Variants in ADAMTS2 observed in about 807,000 individuals in gnomAD.
ADAMTS2 encodes A disintegrin and metalloproteinase with thrombospondin motifs 2.
A neutral mutation model predicts 123.0 loss-of-function variants in ADAMTS2; 50 were observed. The observed-to-expected ratio is 0.41, with a 90% confidence interval of 0.32 to 0.51. The LOEUF (loss-of-function observed/expected upper bound fraction) is 0.51, where lower values mean the gene tolerates loss of function less well. ADAMTS2 is among the 20% of genes least tolerant of loss of function. The pLI, the probability that ADAMTS2 is intolerant of heterozygous loss-of-function variation, is 0.35. For missense variants in ADAMTS2, 1,494 were observed against 1,705.2 expected (o/e 0.88, Z 2.18); for synonymous variants, 678 against 695.4 (o/e 0.98, Z 0.39).
rs904020842 is a variant in ADAMTS2 at position 179,285,421 on chromosome 5, G to A, written c.535-12357C>T. 3.9e-5 allele frequency among the ~76,000 whole-genome samples: 6 copies of A among 152,226 alleles called. No homozygotes were observed. The highest frequency in any genetic ancestry group is 7.3e-5 in the Non-Finnish European group (5 of 68,040). On this transcript the variant is annotated intron_variant, in intron 2 of 21. Coordinates refer to ENST00000251582, the MANE Select transcript of ADAMTS2 (RefSeq NM_014244.5). The surrounding 1 kb of genome is among the most constrained non-coding windows in gnomAD (Gnocchi z 4.9). ...TGCTAAATCAAGCAACGCTTGAGTGGCTCCCTCGGGACCTGGCCTGTCCAG... is the reference window on the plus strand; with the variant it reads ...TGCTAAATCAAGCAACGCTTGAGTGACTCCCTCGGGACCTGGCCTGTCCAG...
rs1764033758 is a variant in ADAMTS2 at position 179,180,972 on chromosome 5, C to G, written c.975+100G>C. On this transcript the variant is annotated intron_variant, in intron 5 of 21. Coordinates refer to ENST00000251582, the MANE Select transcript of ADAMTS2 (RefSeq NM_014244.5). This position sits in a 1 kb window ranked among gnomAD's most constrained non-coding sequence, Gnocchi z 4.6. ...GGAGCCAGGGAGAGGCAGGGTGGTT[C>G]TGGCAAACGCACACACTCTCCAAGG... 2 of 905,084 alleles carry G rather than the reference C, an allele frequency of 2.2e-6. No individual in the cohort carries two copies. Among genetic ancestry groups the G allele is most frequent in the East Asian group, 5.0e-5 (2 of 39,750 alleles). 56.1% of individuals were successfully genotyped at this position (905,084 alleles called of 1,614,324 possible).
chr5:179,137,864 A>G lies in ADAMTS2; in HGVS notation c.1856T>C (p.Leu619Pro). The change falls in exon 12 of 22, where the codon CTG becomes CCG. Residue 619 changes from leucine to proline, a missense_variant. Physicochemically the swap from Leu to Pro is moderately conservative, Grantham distance 98. Coordinates refer to ENST00000251582, the MANE Select transcript of ADAMTS2 (RefSeq NM_014244.5). ...LCSRQDCPDS[L>P]ADFREEQCRQ... ...GCACTGCTCCTCGCGGAAGTCAGCC[A>G]GGGAGTCGGGGCAGTCCTGGCGGCT... 6.4e-7 allele frequency: 1 copy of G among 1,563,558 alleles called. No homozygotes were observed. The highest frequency in any genetic ancestry group is 2.4e-5 in the East Asian group (1 of 41,746).
rs935799472 is a variant in ADAMTS2, at chr5:179,162,319, A to G, written c.976-3440T>C. The stretch of plus-strand genomic sequence containing the variant: ...TGGCCACCATGAAGGATCAGGGTGA[A>G]CATACAACCAAAGCGGGCCAAGGAG... On this transcript the variant is annotated intron_variant, in intron 5 of 21. Coordinates refer to ENST00000251582, the MANE Select transcript of ADAMTS2 (RefSeq NM_014244.5). The surrounding 1 kb of genome is among the most constrained non-coding windows in gnomAD (Gnocchi z 5.1). Among the ~76,000 whole-genome samples, 1 of 152,174 alleles carries G rather than the reference A, an allele frequency of 6.6e-6. No individual in the cohort carries two copies. Among genetic ancestry groups the G allele is most frequent in the East Asian group, 1.9e-4 (1 of 5,182 alleles).
intron 3 of ADAMTS2, among the ~76,000 whole-genome samples, chr5:179,223,374 A>C (rs1039092239): frequency 7.3e-6 from 1 of 136,548 alleles, no homozygotes; most frequent in African/African-American, 2.8e-5. Flanking sequence ...ACTCACAAAC[A>C]CGCACACACG....
chr5:179,122,872 G>A (rs1762789724), intron 19 of ADAMTS2, 99 bp from the exon 20 acceptor site: 21 of 1,518,988 alleles, frequency 1.4e-5, no homozygotes, highest in Admixed American at 1.2e-4. Flanking sequence ...TGACCCATGC[G>A]CTCAGGAGGA....
chr5:179,125,330 A>C, intron 18 of ADAMTS2, 150 bp from the exon 19 acceptor site: 6 of 697,190 alleles, frequency 8.6e-6, no homozygotes, highest in Non-Finnish European at 1.5e-5. Flanking sequence ...TCTTATTCTC[A>C]CTAAGATGCT....
intron 3 of ADAMTS2, among the ~76,000 whole-genome samples, chr5:179,221,557 T>C (rs1765126443): frequency 6.6e-6 from 1 of 152,078 alleles, no homozygotes; most frequent in African/African-American, 2.4e-5. Flanking sequence ...CCCTCCCCCA[T>C]GCTGGGGGTG....
chr5:179,152,235 G>T lies in ADAMTS2; in HGVS notation c.1536C>A (p.Cys512Ter), dbSNP rs1255402010. The T allele has an allele frequency of 6.2e-7, 1 of 1,614,054 alleles. No individual in the cohort carries two copies. Among genetic ancestry groups the T allele is most frequent in the Admixed American group, 1.7e-5 (1 of 60,024 alleles). Residue 512 changes from cysteine to a stop codon, truncating the protein, a stop_gained, in exon 10 of 22, where the codon TGC becomes TGA. Transcript: ENST00000251582. LOFTEE classifies it high-confidence loss of function. ...CAGGATGGCTGCACCACAGCTGCTTGCAGGGGTCAAAGGTCCGGAACTGGA... is the reference window on the plus strand; with the variant it reads ...CAGGATGGCTGCACCACAGCTGCTTTCAGGGGTCAAAGGTCCGGAACTGGA... ...MCTAFRTFDP[C>*]KQLWCSHPDN...
At chr5:179,294,441 G>A (rs959372753) in intron 2 of ADAMTS2, among the ~76,000 whole-genome samples, 1 of 152,198 alleles carries the variant, frequency 6.6e-6, no homozygotes, top group Non-Finnish European at 1.5e-5. Flanking sequence ...TCCAGGCTCC[G>A]AGGGCTGCCC....
At chr5:179,254,842 G>C (rs1344737948) in intron 3 of ADAMTS2, among the ~76,000 whole-genome samples, 5 of 152,254 alleles carry the variant, frequency 3.3e-5, no homozygotes, top group Admixed American at 1.3e-4. Context: ...CTGGGAGTCT[G>C]CCTTTTCCCC....
At chr5:179,226,038 C>T (rs61062318) in intron 3 of ADAMTS2, among the ~76,000 whole-genome samples, 4,214 of 152,218 alleles carry the variant, frequency 0.028, 186 homozygotes, top group African/African-American at 0.091. Flanking sequence ...ACAGCCTGCC[C>T]GTCTGTATTC....
intron 10 of ADAMTS2, 111 bp from the exon 11 acceptor site, chr5:179,140,146 C>T (rs1581148468): frequency 6.6e-7 from 1 of 1,520,992 alleles, no homozygotes; most frequent in Non-Finnish European, 9.0e-7. Context: ...CACTCTGGGG[C>T]ACAGGGGGAG....
Position 179,272,946 on chromosome 5 carries a change from G to A in ADAMTS2, c.653C>T (p.Ser218Phe), listed in dbSNP as rs781630569. Reference protein sequence around the residue: ...VHVVYRRPPTSPPLGGPQALD... With the variant: ...VHVVYRRPPTFPPLGGPQALD... Reference sequence around the variant, plus strand: ...GGCCTGTGGCCCCCCGAGAGGAGGGGACGTGGGTGGCCGGCGATACACCAC... The same window carrying A: ...GGCCTGTGGCCCCCCGAGAGGAGGGAACGTGGGTGGCCGGCGATACACCAC... The change falls in exon 3 of 22, where the codon TCC (serine) becomes TTC (phenylalanine). Residue 218 changes from serine to phenylalanine, a missense_variant. Transcript: ENST00000251582. This position sits in a 1 kb window ranked among gnomAD's most constrained non-coding sequence, Gnocchi z 5.8. The A allele has an allele frequency of 1.9e-5, 31 of 1,611,826 alleles. No homozygotes were observed. The highest frequency in any genetic ancestry group is 1.6e-4 in the Middle Eastern group (1 of 6,084).
rs1765780435 is a variant in ADAMTS2 at position 179,245,780 on chromosome 5, AAAAAAAAAAAAAAAAC to A, written c.688+27115_688+27130del. Among the ~76,000 whole-genome samples, 5 of 131,952 alleles carry A rather than the reference AAAAAAAAAAAAAAAAC, an allele frequency of 3.8e-5. 1 individual carries two copies. The highest frequency in any genetic ancestry group is 8.5e-5 in the African/African-American group (3 of 35,214). The allele number at this position is 131,952 out of a possible 152,430, so 86.6% of individuals were successfully genotyped here. A position where few individuals can be genotyped will look rare whatever the true frequency, so the allele number is the denominator to read the frequency against. On this transcript the variant is annotated intron_variant, in intron 3 of 21. Transcript: ENST00000251582. ...GACTCCGTCTCAAAAAAAAAAAAAAAAAAAAAAAAAAAAAACAAAAAAAACAAAGATGGGGGTGGAA... is the reference window on the plus strand; with the variant it reads ...GACTCCGTCTCAAAAAAAAAAAAAAAAAAAAAAACAAAGATGGGGGTGGAA...
chr5:179,315,767 G>T (rs1208700327), intron 2 of ADAMTS2, among the ~76,000 whole-genome samples: 1 of 152,204 alleles, frequency 6.6e-6, no homozygotes, highest in South Asian at 2.1e-4. Flanking sequence ...AGAGGGCTTG[G>T]TGGCTGCACC....
intron 10 of ADAMTS2, among the ~76,000 whole-genome samples, chr5:179,149,660 T>C (rs1192357247): frequency 6.6e-6 from 1 of 152,168 alleles, no homozygotes; most frequent in African/African-American, 2.4e-5. Context: ...ATGATTGCTT[T>C]CCAGATGTAA....
intron 6 of ADAMTS2, among the ~76,000 whole-genome samples, chr5:179,157,873 C>T (rs4701060): frequency 0.19 from 29,174 of 152,088 alleles, 3,606 homozygotes; most frequent in African/African-American, 0.35. Flanking sequence ...ATATTTCCCC[C>T]AGTGGATTAG....
chr5:179,172,610 C>T lies in ADAMTS2; in HGVS notation c.975+8462G>A, dbSNP rs147103077. ...GCAGGTGGACCCCCTGCCCCAGCCA[C>T]AGGAAGCGTGAGCTAGCGCCCATAG... On this transcript the variant is annotated intron_variant, in intron 5 of 21. Coordinates refer to ENST00000251582, the MANE Select transcript of ADAMTS2 (RefSeq NM_014244.5). 4.5e-3 allele frequency among the ~76,000 whole-genome samples: 691 copies of T among 152,344 alleles called. 4 individuals carry two copies. Among genetic ancestry groups the T allele is most frequent in the African/African-American group, 0.016 (651 of 41,588 alleles).
chr5:179,186,365 A>G (rs2113324382), intron 4 of ADAMTS2, among the ~76,000 whole-genome samples: 1 of 152,282 alleles, frequency 6.6e-6, no homozygotes, highest in African/African-American at 2.4e-5. Flanking sequence ...CAGTCCCCGT[A>G]GGTTAATATG....
Sources: gnomAD v4.1 joint callset for allele counts (sites outside exome capture counted in the v4.1 genomes callset) on GRCh38, gnomAD v4.1.1 for gene constraint, Gnocchi (gnomAD v3.1) non-coding constraint, MANE v1.5 for transcripts, NCBI Gene and HGNC (gene_info 2026-07-23, HGNC 2026-07-21) for gene names.